Variants in NDUFA10 observed in about 807,000 individuals in gnomAD.
The protein encoded by NDUFA10 is NADH:ubiquinone oxidoreductase subunit A10, also known as NADH dehydrogenase [ubiquinone] 1 alpha subcomplex subunit 10, mitochondrial.
Under a neutral mutation model 47.8 loss-of-function variants are expected in NDUFA10, and 40 were observed. The ratio of observed to expected loss-of-function variants is 0.84; its 90% confidence interval spans 0.65 to 1.09. The LOEUF (loss-of-function observed/expected upper bound fraction) is 1.09, where lower values mean the gene tolerates loss of function less well. Ranked by LOEUF, NDUFA10 falls within the 50% of genes least tolerant of loss-of-function variation. The pLI is 0.00. For missense variants in NDUFA10, 413 were observed against 451.1 expected (o/e 0.92, Z 0.76); for synonymous variants, 183 against 172.2 (o/e 1.06, Z -0.49).
chr2:239,999,665 C>T (rs114187856), intron 8 of NDUFA10, among the ~76,000 whole-genome samples: 2,753 of 152,326 alleles, frequency 0.018, 37 homozygotes, highest in Middle Eastern at 0.041. Flanking sequence ...GGTTCCTTTA[C>T]GTAACTCTCT....
intron 9 of NDUFA10, chr2:239,969,608 C>T (rs998438955): frequency 6.4e-6 from 3 of 469,794 alleles, no homozygotes; most frequent in Non-Finnish European, 4.4e-6. Flanking sequence ...CAAATCTTTC[C>T]TGGATTCTTT....
Position 239,960,670 on chromosome 2 carries a change from C to A in NDUFA10, c.*448G>T. ...TAAACCACACCACACCAAACAGGGC[C>A]CAGAGCAGCGTGTGTGCACGTGTGC... On this transcript the variant is annotated 3_prime_UTR_variant, in exon 10 of 10. Transcript: ENST00000252711. 9.0e-7 allele frequency: 1 copy of A among 1,107,714 alleles called. No homozygotes were observed. The highest frequency in any genetic ancestry group is 1.1e-6 in the Non-Finnish European group (1 of 900,280). The allele number at this position is 1,107,714 out of a possible 1,614,324, so 68.6% of individuals were successfully genotyped here.
chr2:239,993,642 TAA>T (rs1696345533), intron 8 of NDUFA10, among the ~76,000 whole-genome samples: 1 of 151,940 alleles, frequency 6.6e-6, no homozygotes, highest in African/African-American at 2.4e-5. Flanking sequence ...TTTAAAAAAA[TAA>T]ACCTGGTGGG....
intron 4 of NDUFA10, among the ~76,000 whole-genome samples, chr2:239,917,050 C>T (rs895757358): frequency 6.6e-6 from 1 of 152,202 alleles, no homozygotes; most frequent in African/African-American, 2.4e-5. Flanking sequence ...TCACAGTCGC[C>T]GGCCAGAGTG....
chr2:240,005,250 G>A lies in NDUFA10; in HGVS notation c.850C>T (p.Leu284Phe), dbSNP rs569287556. ...EYLKFDKGPWLKQDNRTLYHL... is the reference protein window; with the variant it reads ...EYLKFDKGPWFKQDNRTLYHL... The stretch of plus-strand genomic sequence containing the variant: ...TATAAAGTGCGATTGTCCTGCTTGA[G>A]CCACGGCCCTTTATCGAACTTCAGG... Residue 284 changes from leucine to phenylalanine, a missense_variant, in exon 8 of 10, where the codon CTC becomes TTC. By Grantham distance (22) the Leu-to-Phe change is conservative. Transcript: ENST00000252711. 5 of 1,613,914 alleles carry A rather than the reference G, an allele frequency of 3.1e-6. No individual in the cohort carries two copies. The South Asian group carries it at 5.5e-5, about 18-fold the overall frequency.
At position 240,023,325 on chromosome 2, in the gene NDUFA10, A is replaced by G. The variant is rs578068221; in HGVS notation, c.76-985T>C. Among the ~76,000 whole-genome samples, 14 of 152,348 alleles carry G rather than the reference A, an allele frequency of 9.2e-5. No individual in the cohort carries two copies. In the East Asian group the frequency reaches 2.7e-3, roughly 29 times the overall value. On this transcript the variant is annotated intron_variant, in intron 1 of 9. Transcript: ENST00000252711. The stretch of plus-strand genomic sequence containing the variant: ...ATAAAATATAGCCAAAAACCACATG[A>G]AAAAGTGGTCAACCTTGCTACAAAA...
intron 9 of NDUFA10, chr2:239,973,602 T>A (rs1695390109): frequency 4.3e-6 from 2 of 470,486 alleles, no homozygotes; most frequent in African/African-American, 4.0e-5. Context: ...AACGATCAGC[T>A]TCAAGGAGGG....
At chr2:240,020,508 G>A (rs905640477) in intron 3 of NDUFA10, among the ~76,000 whole-genome samples, 10 of 152,136 alleles carry the variant, frequency 6.6e-5, no homozygotes, top group Admixed American at 2.0e-4. Flanking sequence ...GTAACCCGTC[G>A]CTGGACCCTA....
rs1694720609 is a variant in NDUFA10 at position 239,958,446 on chromosome 2, A to T, written c.*2672T>A. The T allele has an allele frequency of 6.6e-6, 1 of 152,266 alleles. No individual in the cohort carries two copies. Among genetic ancestry groups the T allele is most frequent in the South Asian group, 2.1e-4 (1 of 4,834 alleles). 9.4% of individuals were successfully genotyped at this position (152,266 alleles called of 1,614,324 possible). A position where few individuals can be genotyped will look rare whatever the true frequency, so the allele number is the denominator to read the frequency against. Reference sequence around the variant, plus strand: ...TCTTCCACTTCTGCTGTAGCAGAGAAACCACCACGAATTCAATTGAAGCGG... The same window carrying T: ...TCTTCCACTTCTGCTGTAGCAGAGATACCACCACGAATTCAATTGAAGCGG... On this transcript the variant is annotated 3_prime_UTR_variant, in exon 10 of 10. Coordinates refer to ENST00000252711, the MANE Select transcript of NDUFA10 (RefSeq NM_004544.4).
intron 8 of NDUFA10, among the ~76,000 whole-genome samples, chr2:239,998,361 T>C (rs1429867308): frequency 1.3e-5 from 2 of 152,248 alleles, no homozygotes; most frequent in Non-Finnish European, 2.9e-5. Context: ...TCCCAGGCTC[T>C]GCCCAAGGTA....
intron 9 of NDUFA10, among the ~76,000 whole-genome samples, chr2:239,967,977 TATACACACACAC>T (rs1695146076): frequency 7.2e-6 from 1 of 139,546 alleles, no homozygotes; most frequent in South Asian, 2.4e-4. Flanking sequence ...AGGAAAAAAA[TATACACACACAC>T]ACACACACAC....
chr2:240,020,445 G>C (rs912468785), intron 3 of NDUFA10, among the ~76,000 whole-genome samples: 1 of 152,160 alleles, frequency 6.6e-6, no homozygotes, highest in Admixed American at 6.5e-5. Flanking sequence ...GTGCATCTGC[G>C]GTCCAACTCT....
At chr2:239,943,521 T>C (rs748476147) in intron 4 of NDUFA10, among the ~76,000 whole-genome samples, 1 of 152,158 alleles carries the variant, frequency 6.6e-6, no homozygotes, top group Non-Finnish European at 1.5e-5. Context: ...ATTTTCAAAG[T>C]GTATGGCCTT....
chr2:239,920,352 G>A lies in NDUFA10; in HGVS notation c.295-25038C>T, dbSNP rs74554640. Among the ~76,000 whole-genome samples the A allele has an allele frequency of 8.6e-3, 1,316 of 152,310 alleles. 9 individuals carry two copies. The highest frequency in any genetic ancestry group is 0.014 in the Admixed American group (212 of 15,310). On this transcript the variant is annotated intron_variant, in intron 4 of 5. Coordinates refer to the NDUFA10 transcript ENST00000419408. ...TTTGTACAGCAGCCCAGACTGACAC[G>A]TGGATAAGGTCCCCTTGCCATGGGG...
At chr2:239,953,264 C>T (rs1293794800), downstream of NDUFA10, among the ~76,000 whole-genome samples, 12 of 152,124 alleles carry the variant, frequency 7.9e-5, no homozygotes, top group Non-Finnish European at 1.3e-4. Flanking sequence ...AGACCATATA[C>T]GCAGGCAGCC....
intron 4 of NDUFA10, among the ~76,000 whole-genome samples, chr2:239,912,632 T>G (rs1476789070): frequency 1.3e-5 from 2 of 152,124 alleles, no homozygotes; most frequent in African/African-American, 2.4e-5. Context: ...AGGCTGGACA[T>G]CTGGCAGTAG....
At chr2:239,905,752 T>C (rs1339562166) in intron 4 of NDUFA10, among the ~76,000 whole-genome samples, 2 of 150,172 alleles carry the variant, frequency 1.3e-5, no homozygotes, top group Admixed American at 6.6e-5. Flanking sequence ...TTTGCAGATC[T>C]GCCAAGGGAT....
Position 239,911,741 on chromosome 2 carries a change from T to C in NDUFA10, c.295-16427A>G, listed in dbSNP as rs1462233882. ...CTTCTCTCCCCTTCCCTCTCTTCCT[T>C]CCCCCAGCCCATCCCCCAGTCTCTC... On this transcript the variant is annotated intron_variant, in intron 4 of 5. Transcript: ENST00000419408. 2.8e-5 allele frequency among the ~76,000 whole-genome samples: 4 copies of C among 144,380 alleles called. No individual in the cohort carries two copies. The East Asian group carries it at 8.2e-4, about 29-fold the overall frequency. 94.7% of individuals were successfully genotyped at this position (144,380 alleles called of 152,430 possible).
At chr2:239,898,988 GA>G (rs1423514994) in intron 4 of NDUFA10, among the ~76,000 whole-genome samples, 6 of 114,144 alleles carry the variant, frequency 5.3e-5, no homozygotes, top group African/African-American at 1.2e-4. Context: ...GTATGATGGA[GA>G]GGTGTGATGG....
Sources: allele counts gnomAD v4.1 joint callset (sites outside exome capture counted in the v4.1 genomes callset), GRCh38; gene constraint gnomAD v4.1.1; transcripts MANE v1.5; gene names NCBI Gene and HGNC (gene_info 2026-07-23, HGNC 2026-07-21).